Variants in PARD3 observed in about 807,000 individuals in gnomAD.
The protein encoded by PARD3 is par-3 family cell polarity regulator.
In PARD3, 75 loss-of-function variants were observed where a neutral mutation model predicts 155.4. That is an observed-to-expected ratio of 0.48 (90% CI 0.40 to 0.58). PARD3 has a LOEUF of 0.58. Ranked by LOEUF, PARD3 falls within the 20% of genes least tolerant of loss-of-function variation. The probability of loss-of-function intolerance (pLI) is 0.00; values close to 1 mark genes in which losing one functional copy is unlikely to be tolerated. For missense variants in PARD3, 1,642 were observed against 1,721.7 expected, an observed-to-expected ratio of 0.95 and a Z score of 0.82; for synonymous variants, 576 against 610.5, an observed-to-expected ratio of 0.94 and a Z score of 0.83.
At chr10:34,484,530 TTTG>T (rs373521620) in intron 3 of PARD3, among the ~76,000 whole-genome samples, 327 of 152,196 alleles carry the variant, frequency 2.1e-3, no homozygotes, top group African/African-American at 6.8e-3. Context: ...GTTGTTGTTG[TTTG>T]TTGTTGTTGT....
chr10:34,777,885 A>C (rs1052141051), intron 1 of PARD3, among the ~76,000 whole-genome samples: 2 of 152,020 alleles, frequency 1.3e-5, no homozygotes, highest in Non-Finnish European at 2.9e-5. Context: ...TGAGTCTAGG[A>C]AAGAGACCAG....
At position 34,336,442 on chromosome 10, in the gene PARD3, T is replaced by C. The variant is rs1028190952; in HGVS notation, c.2561-199A>G. ...GTCTCCATGCAATATGCCAGTCATTTCATTTCACAGACATGTGTGTTATAT... is the reference window on the plus strand; with the variant it reads ...GTCTCCATGCAATATGCCAGTCATTCCATTTCACAGACATGTGTGTTATAT... On this transcript the variant is annotated intron_variant, in intron 17 of 24. Coordinates refer to ENST00000374788, the MANE Select transcript of PARD3 (RefSeq NM_001184785.2). The C allele has an allele frequency of 7.5e-6, 4 of 530,104 alleles. No homozygotes were observed. The African/African-American group carries it at 7.8e-5, about 10-fold the overall frequency. The allele number at this position is 530,104 out of a possible 1,614,324, so 32.8% of individuals were successfully genotyped here.
chr10:34,412,334 T>C (rs1266113260), intron 5 of PARD3, among the ~76,000 whole-genome samples: 2 of 152,168 alleles, frequency 1.3e-5, no homozygotes, highest in East Asian at 3.9e-4. Flanking sequence ...TTATGTAAAA[T>C]GAAGATGCTG....
Position 34,447,841 on chromosome 10 carries a change from A to G in PARD3, c.714+2476T>C, listed in dbSNP as rs576257155. On this transcript the variant is annotated intron_variant, in intron 5 of 24. Transcript: ENST00000374788. ...AGAAAAAAAAGTCAAAATGAAAGTGATAACAAGGATGCGAAGAGAAGGAAA... is the reference window on the plus strand; with the variant it reads ...AGAAAAAAAAGTCAAAATGAAAGTGGTAACAAGGATGCGAAGAGAAGGAAA... Among the ~76,000 whole-genome samples the G allele has an allele frequency of 2.1e-3, 300 of 144,704 alleles. 1 individual carries two copies. Among genetic ancestry groups the G allele is most frequent in the Admixed American group, 4.9e-3 (73 of 14,998 alleles). 94.9% of individuals were successfully genotyped at this position (144,704 alleles called of 152,430 possible).
chr10:34,512,928 C>T (rs767564581), intron 3 of PARD3, among the ~76,000 whole-genome samples: 11 of 152,068 alleles, frequency 7.2e-5, no homozygotes, highest in Non-Finnish European at 1.5e-4. Context: ...AAACAGTTTC[C>T]GGGTCCTTGT....
At chr10:34,742,138 T>C (rs573930402) in intron 1 of PARD3, among the ~76,000 whole-genome samples, 2 of 152,304 alleles carry the variant, frequency 1.3e-5, no homozygotes, top group African/African-American at 4.8e-5. Flanking sequence ...TACTGAAACT[T>C]GGTTCTTCCA....
intron 22 of PARD3, among the ~76,000 whole-genome samples, chr10:34,137,574 C>T (rs1947966966): frequency 6.6e-6 from 1 of 152,258 alleles, no homozygotes; most frequent in African/African-American, 2.4e-5. Context: ...AAAACGAACA[C>T]TCCATTGTTG....
chr10:34,695,558 G>A (rs1014262723), intron 2 of PARD3, among the ~76,000 whole-genome samples: 3 of 150,988 alleles, frequency 2.0e-5, no homozygotes, highest in Non-Finnish European at 2.9e-5. Context: ...AACGCTGAAC[G>A]TTCCTCCTCC....
intron 24 of PARD3, among the ~76,000 whole-genome samples, chr10:34,119,179 C>T (rs547545570): frequency 6.6e-6 from 1 of 152,192 alleles, no homozygotes; most frequent in Non-Finnish European, 1.5e-5. Flanking sequence ...TCCCACACAA[C>T]CACGGCGTAT....
intron 3 of PARD3, among the ~76,000 whole-genome samples, chr10:34,492,975 C>T (rs891185014): frequency 1.1e-4 from 16 of 152,178 alleles, no homozygotes; most frequent in African/African-American, 3.1e-4. Flanking sequence ...ATTCCAAGAA[C>T]GAAAGTGTTT....
chr10:34,476,967 A>G (rs186700770), intron 3 of PARD3, among the ~76,000 whole-genome samples: 3 of 152,348 alleles, frequency 2.0e-5, no homozygotes, highest in Admixed American at 1.3e-4. Flanking sequence ...TGATTCATCT[A>G]AAAGTTCACC....
At chr10:34,183,680 C>T (rs1303261261) in intron 22 of PARD3, among the ~76,000 whole-genome samples, 3 of 152,172 alleles carry the variant, frequency 2.0e-5, no homozygotes, top group Middle Eastern at 3.2e-3. Flanking sequence ...CACGGGGCTA[C>T]GTAAATAACA....
intron 2 of PARD3, among the ~76,000 whole-genome samples, chr10:34,582,057 C>T (rs769962525): frequency 3.9e-5 from 6 of 152,168 alleles, no homozygotes; most frequent in Non-Finnish European, 8.8e-5. Context: ...AAGAATTCCC[C>T]GGCAGAAACA....
intron 9 of PARD3, among the ~76,000 whole-genome samples, chr10:34,379,989 C>G (rs1393376360): frequency 1.3e-5 from 2 of 152,032 alleles, no homozygotes; most frequent in African/African-American, 4.8e-5. Flanking sequence ...CCACTCAAAG[C>G]ACATTAGCTC....
At chr10:34,697,540 C>G (rs1488984001) in intron 1 of PARD3, among the ~76,000 whole-genome samples, 1 of 152,110 alleles carries the variant, frequency 6.6e-6, no homozygotes, top group African/African-American at 2.4e-5. Context: ...ACAAAGCATG[C>G]CTAAGTATCA....
chr10:34,302,453 G>A (rs916856239), intron 20 of PARD3, among the ~76,000 whole-genome samples: 3 of 152,064 alleles, frequency 2.0e-5, no homozygotes, highest in African/African-American at 4.8e-5. Flanking sequence ...AACACAAAGA[G>A]GTTAATTAAC....
At chr10:34,281,715 G>C (rs1461506944) in intron 21 of PARD3, among the ~76,000 whole-genome samples, 1 of 152,090 alleles carries the variant, frequency 6.6e-6, no homozygotes, top group East Asian at 1.9e-4. Context: ...TATATTCATA[G>C]CCCTTTTAGT....
chr10:34,806,736 C>T (rs957143000), intron 1 of PARD3, among the ~76,000 whole-genome samples: 7 of 152,200 alleles, frequency 4.6e-5, no homozygotes, highest in African/African-American at 1.7e-4. Flanking sequence ...AAAATATTCT[C>T]ACAGCATGGA....
chr10:34,618,601 C>T (rs975546733), intron 2 of PARD3, among the ~76,000 whole-genome samples: 2 of 152,078 alleles, frequency 1.3e-5, no homozygotes, highest in African/African-American at 2.4e-5. Context: ...TAGACCCAAA[C>T]TGAACTAATG....
Sources: allele counts gnomAD v4.1 joint callset (sites outside exome capture counted in the v4.1 genomes callset), GRCh38; gene constraint gnomAD v4.1.1; transcripts MANE v1.5; gene names NCBI Gene and HGNC (gene_info 2026-07-23, HGNC 2026-07-21).